The following HK1 variants were observed in gnomAD, a reference collection of about 807,000 sequenced individuals.
The protein encoded by HK1 is hexokinase-1.
HK1 carries 28 observed loss-of-function variants against 91.6 expected under a neutral mutation model. That is an observed-to-expected ratio of 0.31 (90% CI 0.23 to 0.42). The LOEUF (loss-of-function observed/expected upper bound fraction) is 0.42, where lower values mean the gene tolerates loss of function less well. Ranked by LOEUF, HK1 falls within the 10% of genes least tolerant of loss-of-function variation. The pLI, the probability that HK1 is intolerant of heterozygous loss-of-function variation, is 1.00. For synonymous variants in HK1, 430 were observed against 468.1 expected (o/e 0.92, Z 1.05); for missense variants, 770 against 1,219.8 (o/e 0.63, Z 5.49).
chr10:69,334,262 T>A (rs551299962), intron 1 of HK1, among the ~76,000 whole-genome samples: 3 of 151,776 alleles, frequency 2.0e-5, no homozygotes, highest in East Asian at 1.9e-4. Flanking sequence ...CAGGATGGGG[T>A]TTTTGAGTGC....
intron 4 of HK1, among the ~76,000 whole-genome samples, chr10:69,367,294 T>C (rs926699505): frequency 1.3e-5 from 2 of 152,204 alleles, no homozygotes; most frequent in African/African-American, 4.8e-5. Context: ...TCCAGAGGCC[T>C]GTGCATGTTA....
chr10:69,274,482 C>T (rs1237749731), intron 1 of HK1, among the ~76,000 whole-genome samples: 1 of 151,366 alleles, frequency 6.6e-6, no homozygotes, highest in Non-Finnish European at 1.5e-5. Flanking sequence ...CATGTAATCC[C>T]AGCTAATTGG....
At position 69,295,610 on chromosome 10, in the gene HK1, T is replaced by A. The variant is rs144262304; in HGVS notation, c.-114-23T>A. On this transcript the variant is annotated intron_variant, in intron 3 of 21. Coordinates refer to the HK1 transcript ENST00000360289. ...TTGCTAAAATGCATTTGTAACACTT[T>A]ACTTGTCCTGTCTTTCTCTAAGGCT... 6.1e-5 allele frequency: 96 copies of A among 1,570,432 alleles called. No individual in the cohort carries two copies. The African/African-American group carries it at 1.1e-3, about 18-fold the overall frequency.
intron 1 of HK1, among the ~76,000 whole-genome samples, chr10:69,331,726 G>A (rs913146828): frequency 3.3e-5 from 5 of 151,604 alleles, no homozygotes; most frequent in East Asian, 1.9e-4. Context: ...AATTAAAAAC[G>A]TCAGCTGGGC....
At chr10:69,311,738 G>A (rs1846388509), upstream of HK1, among the ~76,000 whole-genome samples, 1 of 152,062 alleles carries the variant, frequency 6.6e-6, no homozygotes, top group Non-Finnish European at 1.5e-5. Flanking sequence ...CTGGGTTCAA[G>A]CAATTCTCCT....
intron 1 of HK1, among the ~76,000 whole-genome samples, chr10:69,278,033 CA>C (rs34610927): frequency 1.6e-4 from 24 of 146,450 alleles, no homozygotes; most frequent in Admixed American, 2.7e-4. Context: ...GACTCCGTCT[CA>C]AAAAAAAAAA....
At chr10:69,400,724 C>T (rs780673359) in intron 17 of HK1, among the ~76,000 whole-genome samples, 3 of 152,144 alleles carry the variant, frequency 2.0e-5, no homozygotes, top group South Asian at 2.1e-4. Context: ...TGGGATTGAC[C>T]GTGGGCCCAC....
At chr10:69,286,845 G>A (rs1287701519) in intron 2 of HK1, among the ~76,000 whole-genome samples, 1 of 152,162 alleles carries the variant, frequency 6.6e-6, no homozygotes, top group African/African-American at 2.4e-5. Flanking sequence ...ACCTCATGAG[G>A]CGCCTGGCCT....
At chr10:69,329,633 G>A (rs962028006) in intron 1 of HK1, among the ~76,000 whole-genome samples, 1 of 152,096 alleles carries the variant, frequency 6.6e-6, no homozygotes, top group African/African-American at 2.4e-5. Context: ...TGAATGACAG[G>A]GATAGGAACA....
chr10:69,319,021 G>T lies in HK1; in HGVS notation c.63+11G>T. ...GACCAGGTCAAAAAGGTGAGCCCCCGCCCGCGCCGCCGCTGGTCCTGGCCG... is the reference window on the plus strand; with the variant it reads ...GACCAGGTCAAAAAGGTGAGCCCCCTCCCGCGCCGCCGCTGGTCCTGGCCG... On this transcript the variant is annotated intron_variant, in intron 1 of 17. Coordinates refer to ENST00000359426, the MANE Select transcript of HK1 (RefSeq NM_000188.3). 1 of 1,592,608 alleles carries T rather than the reference G, an allele frequency of 6.3e-7. No individual in the cohort carries two copies. The highest frequency in any genetic ancestry group is 1.7e-5 in the Admixed American group (1 of 57,848).
intron 1 of HK1, among the ~76,000 whole-genome samples, chr10:69,329,910 AT>A (rs1187673264): frequency 5.3e-5 from 8 of 151,998 alleles, no homozygotes; most frequent in Admixed American, 2.6e-4. Context: ...AAGGAAATGG[AT>A]CCGATAAGGT....
intron 15 of HK1, 59 bp downstream of exon 15, chr10:69,392,367 A>C: frequency 1.3e-6 from 2 of 1,573,532 alleles, no homozygotes; most frequent in South Asian, 2.2e-5. Context: ...ACTTGGCTGC[A>C]TTCTGCCACT....
chr10:69,308,968 C>A (rs1846230729), intron 5 of HK1, among the ~76,000 whole-genome samples: 1 of 152,036 alleles, frequency 6.6e-6, no homozygotes, highest in South Asian at 2.1e-4. Flanking sequence ...CAGTTGGGGA[C>A]CCTACTTTAG....
chr10:69,281,862 G>A (rs191631767), intron 1 of HK1, among the ~76,000 whole-genome samples: 10 of 152,166 alleles, frequency 6.6e-5, no homozygotes, highest in Admixed American at 6.5e-4. Flanking sequence ...TAGAACGTTG[G>A]CTGCCAAGTC....
At chr10:69,376,566 T>C (rs1839119338) in intron 7 of HK1, among the ~76,000 whole-genome samples, 1 of 152,164 alleles carries the variant, frequency 6.6e-6, no homozygotes, top group Admixed American at 6.5e-5. Flanking sequence ...ATAAAAAGTA[T>C]AGCATACAGT....
intron 10 of HK1, among the ~76,000 whole-genome samples, chr10:69,383,308 G>A (rs533584477): frequency 1.5e-4 from 23 of 152,368 alleles, no homozygotes; most frequent in Admixed American, 1.0e-3. Context: ...TCTTGATAGA[G>A]TATGCATGAG....
chr10:69,291,427 C>G (rs1032349144), intron 3 of HK1, among the ~76,000 whole-genome samples: 3 of 152,204 alleles, frequency 2.0e-5, no homozygotes, highest in Non-Finnish European at 2.9e-5. Context: ...AATCCATGAT[C>G]TTTATTGTAG....
At chr10:69,331,797 GC>G (rs1847734018) in intron 1 of HK1, among the ~76,000 whole-genome samples, 1 of 151,946 alleles carries the variant, frequency 6.6e-6, no homozygotes, top group Non-Finnish European at 1.5e-5. Flanking sequence ...GATTGCTTGA[GC>G]CCAGGAGGTC....
intron 16 of HK1, among the ~76,000 whole-genome samples, chr10:69,397,617 C>G (rs774368823): frequency 3.9e-5 from 6 of 152,126 alleles, no homozygotes; most frequent in Non-Finnish European, 2.9e-5. Context: ...GCCTCAGTTG[C>G]CTTATCTTTA....
Sources: gnomAD v4.1 joint callset for allele counts (sites outside exome capture counted in the v4.1 genomes callset) on GRCh38, gnomAD v4.1.1 for gene constraint, MANE v1.5 for transcripts, NCBI Gene and HGNC (gene_info 2026-07-23, HGNC 2026-07-21) for gene names.